Variants in HELLS observed in about 807,000 individuals in gnomAD.
HELLS encodes lymphoid-specific helicase.
A neutral mutation model predicts 120.0 loss-of-function variants in HELLS; 32 were observed. The ratio of observed to expected loss-of-function variants is 0.27; its 90% confidence interval spans 0.20 to 0.36. HELLS has a LOEUF of 0.36. Among genes scored for constraint, HELLS ranks in the 10% least tolerant of loss-of-function variants. HELLS has a pLI of 1.00. For missense variants in HELLS, 650 were observed against 993.4 expected (o/e 0.65, Z 4.65); for synonymous variants, 341 against 323.4 (o/e 1.05, Z -0.58).
downstream of HELLS, among the ~76,000 whole-genome samples, chr10:94,604,191 C>G (rs2134142696): frequency 6.8e-6 from 1 of 147,056 alleles, no homozygotes; most frequent in South Asian, 2.2e-4. Flanking sequence ...GTGGTGTGAT[C>G]TTGGCTCACT....
At chr10:94,581,636 G>A in intron 11 of HELLS, 114 bp downstream of exon 11, 1 of 695,296 alleles carries the variant, frequency 1.4e-6, no homozygotes, top group Non-Finnish European at 2.4e-6. Flanking sequence ...GTTCTTTGTG[G>A]TGTATATTGT....
intron 2 of HELLS, among the ~76,000 whole-genome samples, chr10:94,547,949 A>G (rs1476990742): frequency 1.3e-5 from 2 of 152,204 alleles, no homozygotes; most frequent in Non-Finnish European, 2.9e-5. Context: ...AGTAACATCA[A>G]TACTTTTTGC....
chr10:94,567,455 C>T (rs1326554939), intron 6 of HELLS, among the ~76,000 whole-genome samples: 4 of 152,134 alleles, frequency 2.6e-5, no homozygotes, highest in African/African-American at 7.2e-5. Flanking sequence ...TGTGCCACCA[C>T]GCCTGGCAAA....
At position 94,574,152 on chromosome 10, in the gene HELLS, C is replaced by G; in HGVS notation, c.670C>G (p.Arg224Gly). 6.2e-7 allele frequency: 1 copy of G among 1,613,284 alleles called. No individual in the cohort carries two copies. Among genetic ancestry groups the G allele is most frequent in the Non-Finnish European group, 8.5e-7 (1 of 1,179,460 alleles). The change falls in exon 8 of 22, where the codon CGA becomes GGA. Residue 224 changes from arginine (R) to glycine (G), a missense_variant. Transcript: ENST00000348459. ...AAAGCACTTCACTGGAGGAGTGATG[C>G]GATGGTACCAAGTAGAAGGCATGGA... ...QPKHFTGGVM[R>G]WYQVEGMEWL...
rs143222091 is a variant in HELLS, at chr10:94,565,712, A to T, written c.435+2836A>T. Among the ~76,000 whole-genome samples the T allele has an allele frequency of 2.6e-5, 4 of 152,274 alleles. 1 individual carries two copies. The South Asian group carries it at 8.3e-4, about 32-fold the overall frequency. On this transcript the variant is annotated intron_variant, in intron 6 of 21. Coordinates refer to ENST00000348459, the MANE Select transcript of HELLS (RefSeq NM_018063.5). The stretch of plus-strand genomic sequence containing the variant: ...TCTCAAAAAAGAAAAACCACTTTTA[A>T]TATGCCATACTGAAGTTTAGCCAGT...
chr10:94,567,526 G>A (rs1397912620), intron 6 of HELLS, among the ~76,000 whole-genome samples: 1 of 152,124 alleles, frequency 6.6e-6, no homozygotes, highest in Admixed American at 6.6e-5. Flanking sequence ...TCGAACTCCC[G>A]ATCTCAGGTG....
At chr10:94,609,087 G>A (rs1239703867) in intron 9 of HELLS, among the ~76,000 whole-genome samples, 2 of 133,692 alleles carry the variant, frequency 1.5e-5, no homozygotes, top group African/African-American at 5.7e-5. Flanking sequence ...GCAGTGGTGC[G>A]ATCTTGGCTC....
Position 94,546,494 on chromosome 10 carries a change from A to G in HELLS, c.149A>G (p.Glu50Gly). 2 of 1,613,982 alleles carry G rather than the reference A, an allele frequency of 1.2e-6. No homozygotes were observed. The highest frequency in any genetic ancestry group is 1.7e-6 in the Non-Finnish European group (2 of 1,179,968). Reference protein sequence around the residue: ...AGLERERKMLEKARMSWDRES... With the variant: ...AGLERERKMLGKARMSWDRES... ...CTAGAGAGAGAGCGGAAGATGCTGG[A>G]AAAGGTAATTTAGGCATCAGGTTCG... The change falls in exon 2 of 22, where the codon GAA becomes GGA. Residue 50 changes from glutamate to glycine, a missense_variant. Glu to Gly is a moderately conservative substitution (Grantham distance 98). Transcript: ENST00000348459.
At chr10:94,572,025 AAATT>A (rs1407778349) in intron 7 of HELLS, among the ~76,000 whole-genome samples, 1 of 152,186 alleles carries the variant, frequency 6.6e-6, no homozygotes, top group Non-Finnish European at 1.5e-5. Context: ...GGCCTTTGGG[AAATT>A]AATGTTATGT....
At chr10:94,569,611 C>G (rs113003567) in intron 6 of HELLS, 3 of 152,104 alleles carry the variant, frequency 2.0e-5, no homozygotes, top group Non-Finnish European at 4.4e-5. Context: ...GCTGTATTGA[C>G]GAGACTGGAG....
At chr10:94,566,472 A>AAAAG (rs1245932493) in intron 6 of HELLS, among the ~76,000 whole-genome samples, 1 of 152,118 alleles carries the variant, frequency 6.6e-6, no homozygotes. Context: ...TATATAAGTG[A>AAAAG]AAAGAGTGAT....
intron 21 of HELLS, among the ~76,000 whole-genome samples, chr10:94,598,343 G>A (rs1000464835): frequency 1.3e-5 from 2 of 152,162 alleles, no homozygotes; most frequent in South Asian, 2.1e-4. Flanking sequence ...TTCCTGGCTA[G>A]AATGCAGGAG....
At chr10:94,603,359 G>T (rs190563837), downstream of HELLS, among the ~76,000 whole-genome samples, 1 of 152,258 alleles carries the variant, frequency 6.6e-6, no homozygotes, top group Non-Finnish European at 1.5e-5. Flanking sequence ...ATTTCATACA[G>T]TTGTTGACTC....
At chr10:94,585,465 T>C (rs1845095712) in intron 12 of HELLS, among the ~76,000 whole-genome samples, 1 of 149,158 alleles carries the variant, frequency 6.7e-6, no homozygotes, top group Non-Finnish European at 1.5e-5. Flanking sequence ...GCAGTGAGCG[T>C]CTGCCTCCCA....
chr10:94,552,422 C>T (rs1187807063), intron 2 of HELLS, among the ~76,000 whole-genome samples: 7 of 152,198 alleles, frequency 4.6e-5, no homozygotes, highest in Non-Finnish European at 1.0e-4. Flanking sequence ...ATCCATCCTT[C>T]AGACCCCTCA....
At chr10:94,596,096 T>A (rs980554604) in intron 19 of HELLS, among the ~76,000 whole-genome samples, 1 of 152,216 alleles carries the variant, frequency 6.6e-6, no homozygotes, top group Non-Finnish European at 1.5e-5. Context: ...GTTGGGCTTA[T>A]AGGTGTGAGC....
chr10:94,583,170 C>T, intron 12 of HELLS, 111 bp downstream of exon 12: 1 of 501,964 alleles, frequency 2.0e-6, no homozygotes, highest in East Asian at 3.2e-5. Flanking sequence ...AATGAAGATC[C>T]TCCTACATTT....
downstream of HELLS, among the ~76,000 whole-genome samples, chr10:94,604,640 C>G (rs1846107548): frequency 6.6e-6 from 1 of 152,174 alleles, no homozygotes; most frequent in Admixed American, 6.5e-5. Flanking sequence ...ACCACTTCAA[C>G]ATGAAATAAT....
chr10:94,575,207 C>T (rs1844373946), intron 9 of HELLS, among the ~76,000 whole-genome samples: 1 of 143,814 alleles, frequency 7.0e-6, no homozygotes, highest in African/African-American at 2.6e-5. Context: ...TGAAGCAATT[C>T]TTGTGCCTGA....
Sources: allele counts gnomAD v4.1 joint callset (sites outside exome capture counted in the v4.1 genomes callset), GRCh38; gene constraint gnomAD v4.1.1; transcripts MANE v1.5; gene names NCBI Gene and HGNC (gene_info 2026-07-23, HGNC 2026-07-21).